Variants in PLEC observed in about 807,000 individuals in gnomAD.
The protein encoded by PLEC is plectin.
In PLEC, 216 loss-of-function variants were observed where a neutral mutation model predicts 392.8. That is an observed-to-expected ratio of 0.55 (90% CI 0.49 to 0.62). The LOEUF (loss-of-function observed/expected upper bound fraction) is 0.62. PLEC is among the 20% of genes least tolerant of loss of function. The pLI is 0.00. For synonymous variants in PLEC, 3,621 were observed against 2,980.6 expected (o/e 1.21, Z -7.00); for missense variants, 6,863 against 6,563.4 (o/e 1.05, Z -1.58).
intron 1 of PLEC, among the ~76,000 whole-genome samples, chr8:143,961,272 C>A (rs1331256372): frequency 6.6e-6 from 1 of 151,604 alleles, no homozygotes; most frequent in Non-Finnish European, 1.5e-5. Context: ...GTCGCCCAGG[C>A]TGGAGTGCAA....
chr8:143,926,196 A>G (rs1825124687), intron 30 of PLEC, among the ~76,000 whole-genome samples: 1 of 152,218 alleles, frequency 6.6e-6, no homozygotes, highest in African/African-American at 2.4e-5. Flanking sequence ...CCTGCGAGCC[A>G]CACCCAGCAC....
At chr8:143,950,561 A>G (rs782231075) in exon 1 of PLEC, 2 of 1,608,578 alleles carry the variant, frequency 1.2e-6, no homozygotes, top group Non-Finnish European at 8.5e-7. Flanking sequence ...CATGGCACGC[A>G]TGACCTGCAG....
rs398123397 is a variant in PLEC, at chr8:143,929,252, G to A, written c.3111C>T (p.Gly1037=). 3.4e-5 allele frequency: 55 copies of A among 1,601,424 alleles called. No individual in the cohort carries two copies. The highest frequency in any genetic ancestry group is 4.5e-5 in the Non-Finnish European group (53 of 1,179,466). Residue 1037 remains glycine (G), a synonymous_variant, in exon 25 of 32, where the codon GGC becomes GGT. Transcript: ENST00000345136. ...QKAQAEVEGL[G]KGVARLSAEA... ...CGGCAGAGAGCCGGGCGACCCCCTT[G>A]CCCAGCCCCTCCACCTCTGCCTGTG...
At position 143,968,904 on chromosome 8, in the gene PLEC, C is replaced by T. The variant is rs944516128; in HGVS notation, c.70+4499G>A. 2.0e-5 allele frequency among the ~76,000 whole-genome samples: 3 copies of T among 152,224 alleles called. No homozygotes were observed. In the East Asian group the frequency reaches 5.8e-4, roughly 29 times the overall value. On this transcript the variant is annotated intron_variant, in intron 1 of 31. Coordinates refer to the PLEC transcript ENST00000356346. Reference sequence around the variant, plus strand: ...TTGGAAACCTCGCACCCGGCTGTTACTGGGCATGCAGAATGGCACGCCCGC... The same window carrying T: ...TTGGAAACCTCGCACCCGGCTGTTATTGGGCATGCAGAATGGCACGCCCGC...
At chr8:143,966,858 A>G (rs1587413965) in intron 1 of PLEC, among the ~76,000 whole-genome samples, 1 of 152,316 alleles carries the variant, frequency 6.6e-6, no homozygotes, top group East Asian at 1.9e-4. Context: ...CGTGACACCA[A>G]GCATGACATC....
rs1165252354 is a variant in PLEC at position 143,939,475 on chromosome 8, C to G, written c.-14G>C. 4 of 1,606,348 alleles carry G rather than the reference C, an allele frequency of 2.5e-6. No individual in the cohort carries two copies. Among genetic ancestry groups the G allele is most frequent in the Non-Finnish European group, 3.4e-6 (4 of 1,177,458 alleles). ...GTGCTGAGACATGCTGCCCCCACAC[C>G]TTCGTCGCCCGGACCCTCGGCCTCA... On this transcript the variant is annotated 5_prime_UTR_variant, in exon 1 of 32. Coordinates refer to ENST00000345136, the MANE Select transcript of PLEC (RefSeq NM_201384.3).
rs79705634 is a variant in PLEC, at chr8:143,925,372, C to T, written c.4557G>A (p.Ser1519=). Residue 1519 remains serine, a synonymous_variant, in exon 31 of 32, where the codon TCG becomes TCA. Transcript: ENST00000345136. ...CCGCCTCGGCCTCGGCCTTCACGCG[C>T]GAGGCCAGCTCCACCTCCGCCTGCC... ...RKRQAEVELA[S]RVKAEAEAAR... 5.2e-3 allele frequency: 8,115 copies of T among 1,565,070 alleles called. 73 individuals are homozygous for T. The highest frequency in any genetic ancestry group is 0.038 in the African/African-American group (2,834 of 74,060).
rs782252349 is a variant in PLEC, at chr8:143,923,137, G to C, written c.6792C>G (p.Arg2264=). Residue 2264 remains arginine, a synonymous_variant, in exon 31 of 32, where the codon CGC becomes CGG. Transcript: ENST00000345136. ...LILRDKDNTQ[R]FLQEEAEKMK... is the part of the protein sequence containing the mutation. ...TCTTCTCAGCCTCCTCCTGCAGGAA[G>C]CGCTGCGTATTGTCCTTGTCACGCA... The C allele has an allele frequency of 3.1e-6, 5 of 1,603,554 alleles. No individual in the cohort carries two copies. The Admixed American group carries it at 8.3e-5, about 27-fold the overall frequency.
At chr8:143,945,244 C>T (rs1554731537) in intron 1 of PLEC, 1 of 485,764 alleles carries the variant, frequency 2.1e-6, no homozygotes, top group Non-Finnish European at 4.1e-6. Flanking sequence ...GAAACCAGGG[C>T]TCAGGCCTGC....
chr8:143,956,666 G>C (rs1346883538), upstream of PLEC, among the ~76,000 whole-genome samples: 1 of 152,240 alleles, frequency 6.6e-6, no homozygotes. Flanking sequence ...CACCGACTCC[G>C]CCTTTAACTT....
chr8:143,916,051 T>G lies in PLEC; in HGVS notation c.*126A>C, dbSNP rs1820401704. ...GCAGATATATATTAATATATTAGTC[T>G]GGTCTTTTTGGTTAAACTTTAGGCA... On this transcript the variant is annotated 3_prime_UTR_variant, in exon 32 of 32. Coordinates refer to ENST00000345136, the MANE Select transcript of PLEC (RefSeq NM_201384.3). 3.2e-6 allele frequency: 2 copies of G among 617,108 alleles called. No individual in the cohort carries two copies. Among genetic ancestry groups the G allele is most frequent in the Non-Finnish European group, 5.5e-6 (2 of 362,250 alleles). The allele number at this position is 617,108 out of a possible 1,614,324, so 38.2% of individuals were successfully genotyped here. A position where few individuals can be genotyped will look rare whatever the true frequency, so the allele number is the denominator to read the frequency against.
chr8:143,966,605 G>A (rs1287600287), intron 1 of PLEC, among the ~76,000 whole-genome samples: 2 of 152,148 alleles, frequency 1.3e-5, no homozygotes, highest in East Asian at 1.9e-4. Context: ...CCCACCCAAC[G>A]CTTGTTTCAA....
rs782384162 is a variant in PLEC, at chr8:143,921,911, G to T, written c.7910C>A (p.Ala2637Glu). ...GCTGTGCTCCGGCTCTGCCTCTGCC[G>T]CGGGGCCATCAAGTGCATCCCGGCC... Reference protein sequence around the residue: ...PNGRDALDGPAAEAEPEHSFD... With the variant: ...PNGRDALDGPEAEAEPEHSFD... The change falls in exon 32 of 32, where the codon GCG becomes GAG. Residue 2637 changes from alanine to glutamate, a missense_variant. Physicochemically the swap from Ala to Glu is moderately radical, Grantham distance 107. Transcript: ENST00000345136. 1.0e-5 allele frequency: 16 copies of T among 1,599,858 alleles called. No homozygotes were observed. The highest frequency in any genetic ancestry group is 1.4e-5 in the Non-Finnish European group (16 of 1,179,736).
At chr8:143,951,294 C>T (rs1333118809), upstream of PLEC, among the ~76,000 whole-genome samples, 1 of 151,994 alleles carries the variant, frequency 6.6e-6, no homozygotes, top group African/African-American at 2.4e-5. Context: ...AAGGGGGGTG[C>T]TGGGCTGCCA....
At position 143,950,874 on chromosome 8, in the gene PLEC, C is replaced by T. The variant is rs1401198323; in HGVS notation, c.-168G>A. 12 of 1,381,498 alleles carry T rather than the reference C, an allele frequency of 8.7e-6. No homozygotes were observed. The African/African-American group carries it at 1.7e-4, about 20-fold the overall frequency. 85.6% of individuals were successfully genotyped at this position (1,381,498 alleles called of 1,614,324 possible). On this transcript the variant is annotated 5_prime_UTR_variant, in exon 1 of 32. Transcript: ENST00000322810. ...GGGGTGCTGAGCGTGAGGGCGCGGG[C>T]TCCCGGCTGTGTGGCTCGTGGCGCC...
Position 143,930,223 on chromosome 8 carries a change from A to T in PLEC, c.2533T>A (p.Ser845Thr). 6.3e-7 allele frequency: 1 copy of T among 1,590,048 alleles called. No individual in the cohort carries two copies. Reference protein sequence around the residue: ...QPSHWKVLSSSGSEAAVPSVC... With the variant: ...QPSHWKVLSSTGSEAAVPSVC... ...GAGGGCACGGCGGCCTCGCTGCCGGAGCTGCTGAGCACCTTCCAGTGGGAC... is the reference window on the plus strand; with the variant it reads ...GAGGGCACGGCGGCCTCGCTGCCGGTGCTGCTGAGCACCTTCCAGTGGGAC... Residue 845 changes from serine to threonine, a missense_variant, in exon 21 of 32, where the codon TCC (serine) becomes ACC (threonine). Coordinates refer to ENST00000345136, the MANE Select transcript of PLEC (RefSeq NM_201384.3).
rs782105271 is a variant in PLEC at position 143,935,185 on chromosome 8, C to G, written c.718+13G>C. The G allele has an allele frequency of 6.2e-7, 1 of 1,611,316 alleles. No individual in the cohort carries two copies. Among genetic ancestry groups the G allele is most frequent in the South Asian group, 1.1e-5 (1 of 91,072 alleles). On this transcript the variant is annotated intron_variant, in intron 7 of 31. Transcript: ENST00000345136. ...CAGGGGAAGGGACAGGGAGGAAGGC[C>G]ACGCAGACGTACCCTCAGGGTCCAG...
In PLEC at chr8:143,934,584, A is replaced by G. The variant is rs782696092; in HGVS notation, c.1041+51T>C. Reference sequence around the variant, plus strand: ...CAGGTCGGCTCCGGAAGAACCTTTCAGGCCTGGGGCGTTCCAGGACACCAC... The same window carrying G: ...CAGGTCGGCTCCGGAAGAACCTTTCGGGCCTGGGGCGTTCCAGGACACCAC... On this transcript the variant is annotated intron_variant, in intron 10 of 31. Transcript: ENST00000345136. 4 of 1,601,522 alleles carry G rather than the reference A, an allele frequency of 2.5e-6. No homozygotes were observed. The East Asian group carries it at 8.9e-5, about 36-fold the overall frequency.
In PLEC at chr8:143,918,441, C is replaced by T. The variant is rs782456612; in HGVS notation, c.11380G>A (p.Glu3794Lys). The part of the protein sequence containing the change: ...QAMKKELIPT[E>K]EALRLLDAQL... ...GCATCCAGCAGCCGCAGGGCCTCCT[C>T]AGTAGGGATCAGCTCCTTCTTCATG... Residue 3794 changes from glutamate (E) to lysine (K), a missense_variant, in exon 32 of 32, where the codon GAG (glutamate) becomes AAG (lysine). Transcript: ENST00000345136. 10 of 1,583,072 alleles carry T rather than the reference C, an allele frequency of 6.3e-6. No homozygotes were observed. Among genetic ancestry groups the T allele is most frequent in the Non-Finnish European group, 8.6e-6 (10 of 1,167,004 alleles).
Sources: allele counts gnomAD v4.1 joint callset (sites outside exome capture counted in the v4.1 genomes callset), GRCh38; gene constraint gnomAD v4.1.1; transcripts MANE v1.5; gene names NCBI Gene and HGNC (gene_info 2026-07-23, HGNC 2026-07-21).